The following ADCK1 variants were observed in gnomAD, a reference collection of about 807,000 sequenced individuals.
ADCK1 encodes the protein aarF domain-containing protein kinase 1.
A neutral mutation model predicts 52.3 loss-of-function variants in ADCK1; 41 were observed. The ratio of observed to expected loss-of-function variants is 0.78; its 90% CI spans 0.61 to 1.02. The LOEUF (loss-of-function observed/expected upper bound fraction) is 1.02, where lower values mean the gene tolerates loss of function less well. Among genes scored for constraint, ADCK1 ranks in the 50% least tolerant of loss-of-function variants. The pLI, the probability that ADCK1 is intolerant of heterozygous loss-of-function variation, is 0.00. For missense variants in ADCK1, 658 were observed against 679.5 expected (o/e 0.97, Z 0.35); for synonymous variants, 250 against 274.6 (o/e 0.91, Z 0.89).
chr14:77,914,467 C>G (rs373336190), intron 7 of ADCK1: 1 of 985,312 alleles, frequency 1.0e-6, no homozygotes, highest in Non-Finnish European at 1.2e-6. Context: ...CATTTGCTTT[C>G]AGCAAATGAT....
Position 77,934,135 on chromosome 14 carries a change from G to A in ADCK1, c.*744G>A, listed in dbSNP as rs2084403667. On this transcript the variant is annotated 3_prime_UTR_variant, in exon 11 of 11. Coordinates refer to ENST00000238561, the MANE Select transcript of ADCK1 (RefSeq NM_020421.4). The stretch of plus-strand genomic sequence containing the variant: ...CTGTTTGGTGGGATTTTCCTTATAG[G>A]TTGGGAGTTCACCTACAATGCCCAT... The A allele has an allele frequency of 6.6e-6, 1 of 152,204 alleles. No homozygotes were observed. Among genetic ancestry groups the A allele is most frequent in the African/African-American group, 2.4e-5 (1 of 41,418 alleles). The allele number at this position is 152,204 out of a possible 1,614,324, so 9.4% of individuals were successfully genotyped here.
At chr14:77,922,876 T>C (rs2084095681) in intron 7 of ADCK1, among the ~76,000 whole-genome samples, 1 of 152,176 alleles carries the variant, frequency 6.6e-6, no homozygotes, top group Non-Finnish European at 1.5e-5. Flanking sequence ...TATAATTGAT[T>C]GGGATTCAGA....
chr14:77,902,547 C>A, intron 6 of ADCK1: 1 of 152,158 alleles, frequency 6.6e-6, no homozygotes, highest in East Asian at 1.9e-4. Context: ...TTGCTTATTC[C>A]ATTTCTTTTA....
chr14:77,837,558 C>T (rs1358605659), intron 3 of ADCK1, among the ~76,000 whole-genome samples: 1 of 152,238 alleles, frequency 6.6e-6, no homozygotes, highest in Non-Finnish European at 1.5e-5. Flanking sequence ...CAACCCACTA[C>T]AGGAACTTAG....
chr14:77,914,638 T>C (rs942637697), intron 7 of ADCK1: 2 of 969,600 alleles, frequency 2.1e-6, no homozygotes, highest in African/African-American at 1.8e-5. Context: ...GATTGTGTAT[T>C]GGCTGGTGCC....
intron 4 of ADCK1, among the ~76,000 whole-genome samples, chr14:77,861,987 T>C (rs2082559503): frequency 6.6e-6 from 1 of 152,064 alleles, no homozygotes; most frequent in Non-Finnish European, 1.5e-5. Context: ...AGGCAGGGAG[T>C]GCGCTGGGGC....
At chr14:77,913,783 G>A (rs1488163956) in intron 7 of ADCK1, among the ~76,000 whole-genome samples, 1 of 152,102 alleles carries the variant, frequency 6.6e-6, no homozygotes, top group Non-Finnish European at 1.5e-5. Context: ...TGCTGTCCGT[G>A]AAGATTGGGG....
At chr14:77,905,334 T>G (rs1268162787) in intron 6 of ADCK1, among the ~76,000 whole-genome samples, 1 of 131,962 alleles carries the variant, frequency 7.6e-6, no homozygotes, top group Non-Finnish European at 1.6e-5. Context: ...TGAGATGGAA[T>G]CTCACTCCCT....
At chr14:77,858,956 AT>A in intron 3 of ADCK1, 119 bp from the exon 4 acceptor site, 1 of 912,340 alleles carries the variant, frequency 1.1e-6, no homozygotes, top group Non-Finnish European at 1.6e-6. Context: ...GTGTGCATGC[AT>A]CTGCCCTGGG....
intron 1 of ADCK1, among the ~76,000 whole-genome samples, chr14:77,811,234 A>C (rs1301939642): frequency 6.6e-6 from 1 of 151,844 alleles, no homozygotes; most frequent in Non-Finnish European, 1.5e-5. Flanking sequence ...TAATAATACT[A>C]ATGCTAATAA....
chr14:77,812,079 T>G (rs114799467), intron 1 of ADCK1, among the ~76,000 whole-genome samples: 78 of 152,344 alleles, frequency 5.1e-4, no homozygotes, highest in African/African-American at 1.8e-3. Context: ...GTGTAATGAT[T>G]ACCACAATCA....
At chr14:77,906,691 T>C (rs1312942063) in intron 6 of ADCK1, among the ~76,000 whole-genome samples, 2 of 152,210 alleles carry the variant, frequency 1.3e-5, no homozygotes, top group Non-Finnish European at 2.9e-5. Flanking sequence ...TTTTTCCTCA[T>C]TGTTGCAAGA....
At chr14:77,904,099 A>C (rs1444894304) in intron 6 of ADCK1, among the ~76,000 whole-genome samples, 1 of 152,012 alleles carries the variant, frequency 6.6e-6, no homozygotes, top group Admixed American at 6.5e-5. Context: ...TCTGTGGGGA[A>C]GTTGTGAATT....
chr14:77,914,918 A>G (rs1360102086), intron 7 of ADCK1, among the ~76,000 whole-genome samples: 2 of 151,076 alleles, frequency 1.3e-5, no homozygotes, highest in Non-Finnish European at 3.0e-5. Context: ...ATAGTCATCT[A>G]TTAAGCATAT....
chr14:77,871,863 G>A (rs2082785542), intron 4 of ADCK1, among the ~76,000 whole-genome samples: 1 of 152,154 alleles, frequency 6.6e-6, no homozygotes, highest in Non-Finnish European at 1.5e-5. Flanking sequence ...TCACAGAGGT[G>A]CAAACTGAGG....
At chr14:77,902,560 C>T (rs75947587) in intron 6 of ADCK1, 4,871 of 152,288 alleles carry the variant, frequency 0.032, 148 homozygotes, top group South Asian at 0.12. Context: ...TTCTTTTATT[C>T]CCAAGCTTGT....
In ADCK1 at chr14:77,931,687, G is replaced by A. The variant is rs367850250; in HGVS notation, c.1376G>A (p.Arg459His). Residue 459 changes from arginine (R) to histidine (H), a missense_variant, in exon 10 of 11, where the codon CGT (arginine) becomes CAT (histidine). Coordinates refer to ENST00000238561, the MANE Select transcript of ADCK1 (RefSeq NM_020421.4). Reference sequence around the variant, plus strand: ...GCCAGCTCCTTTCTCAACATGTCACGTTGCTGCATCAGAGCGCTAGCTGAG... The same window carrying A: ...GCCAGCTCCTTTCTCAACATGTCACATTGCTGCATCAGAGCGCTAGCTGAG... Reference protein sequence around the residue: ...ASASSFLNMSRCCIRALAEHK... With the variant: ...ASASSFLNMSHCCIRALAEHK... 2.9e-5 allele frequency: 47 copies of A among 1,605,512 alleles called. No individual in the cohort carries two copies. The highest frequency in any genetic ancestry group is 2.9e-5 in the Non-Finnish European group (34 of 1,179,966).
intron 7 of ADCK1, chr14:77,914,572 A>G (rs1271536636): frequency 1.0e-6 from 1 of 985,266 alleles, no homozygotes; most frequent in African/African-American, 1.7e-5. Context: ...GTGAGGCTTT[A>G]TAGAGGTTGG....
chr14:77,892,899 T>C (rs2083312908), intron 5 of ADCK1, among the ~76,000 whole-genome samples: 1 of 152,170 alleles, frequency 6.6e-6, no homozygotes, highest in Non-Finnish European at 1.5e-5. Flanking sequence ...GAGTTTTGTG[T>C]CTACTCTGAA....
Sources: gnomAD v4.1 joint callset for allele counts (sites outside exome capture counted in the v4.1 genomes callset) on GRCh38, gnomAD v4.1.1 for gene constraint, MANE v1.5 for transcripts, NCBI Gene and HGNC (gene_info 2026-07-23, HGNC 2026-07-21) for gene names.